DYDC1: variants seen among roughly 807,000 people sequenced by gnomAD.
The protein encoded by DYDC1 is DPY30 domain containing 1, also known as DPY30 domain-containing protein 1.
Under a neutral mutation model 27.9 loss-of-function variants are expected in DYDC1, and 21 were observed. The observed-to-expected ratio is 0.75, with a 90% CI of 0.53 to 1.08. The LOEUF (loss-of-function observed/expected upper bound fraction) is 1.08, where lower values mean the gene tolerates loss of function less well. DYDC1 is among the 50% of genes least tolerant of loss of function. DYDC1 has a pLI of 0.00. For missense variants in DYDC1, 202 were observed against 205.9 expected (o/e 0.98, Z 0.12); for synonymous variants, 67 against 65.8 (o/e 1.02, Z -0.09).
At chr10:80,347,305 TGCTATTGAG>T (rs1842724439) in intron 3 of DYDC1, among the ~76,000 whole-genome samples, 9 of 105,598 alleles carry the variant, frequency 8.5e-5, no homozygotes, top group South Asian at 3.7e-4. Flanking sequence ...TTTTTTTTTT[TGCTATTGAG>T]TTTGCATTCC....
intron 3 of DYDC1, among the ~76,000 whole-genome samples, chr10:80,343,608 A>G (rs910597690): frequency 6.6e-6 from 1 of 151,746 alleles, no homozygotes; most frequent in Non-Finnish European, 1.5e-5. Context: ...CCCCATCTCT[A>G]AACAAAATTT....
At chr10:80,353,752 G>A (rs1843157107) in intron 1 of DYDC1, among the ~76,000 whole-genome samples, 1 of 151,896 alleles carries the variant, frequency 6.6e-6, no homozygotes, top group South Asian at 2.1e-4. Context: ...CCACTGGGAT[G>A]ATGATACCCA....
intron 1 of DYDC1, 164 bp downstream of exon 1, chr10:80,356,548 T>G: frequency 1.0e-6 from 1 of 985,484 alleles, no homozygotes; most frequent in Non-Finnish European, 1.2e-6. Context: ...GGAGGACAGC[T>G]GGCCGCTTTC....
chr10:80,354,284 C>G (rs1047384614), intron 1 of DYDC1: 1 of 150,966 alleles, frequency 6.6e-6, no homozygotes, highest in Admixed American at 6.6e-5. Flanking sequence ...GTCAGGAGTT[C>G]GAGACCAGCC....
At chr10:80,353,576 G>A (rs1207955741) in intron 1 of DYDC1, among the ~76,000 whole-genome samples, 1 of 150,752 alleles carries the variant, frequency 6.6e-6, no homozygotes, top group Non-Finnish European at 1.5e-5. Flanking sequence ...AATCGGCTGG[G>A]CACAGTGGCT....
At chr10:80,348,724 G>A (rs1175304551) in intron 3 of DYDC1, among the ~76,000 whole-genome samples, 1 of 152,098 alleles carries the variant, frequency 6.6e-6, no homozygotes, top group Non-Finnish European at 1.5e-5. Flanking sequence ...CATGCTAAAA[G>A]GCAAACAGCA....
intron 4 of DYDC1, among the ~76,000 whole-genome samples, chr10:80,341,301 A>C (rs556504701): frequency 6.6e-6 from 1 of 151,610 alleles, no homozygotes. Context: ...AAATTAGCCA[A>C]GCATGGTTGT....
chr10:80,339,170 T>G lies in DYDC1; in HGVS notation c.343-17A>C. 1 of 1,110,980 alleles carries G rather than the reference T, an allele frequency of 9.0e-7. No individual in the cohort carries two copies. The highest frequency in any genetic ancestry group is 3.2e-5 in the Admixed American group (1 of 31,642). The allele number at this position is 1,110,980 out of a possible 1,614,324, so 68.8% of individuals were successfully genotyped here. ...TCTCATCTCCTATAATATATAAAAATTAAGAAAATACTTTGAATATACTCC... is the reference window on the plus strand; with the variant it reads ...TCTCATCTCCTATAATATATAAAAAGTAAGAAAATACTTTGAATATACTCC... On this transcript the variant is annotated splice_polypyrimidine_tract_variant and intron_variant, in intron 4 of 6. Transcript: ENST00000372202.
Position 80,352,044 on chromosome 10 carries a change from G to A in DYDC1, c.148-42C>T, listed in dbSNP as rs752121044. 4.4e-6 allele frequency: 7 copies of A among 1,591,308 alleles called. No homozygotes were observed. The East Asian group carries it at 1.3e-4, about 31-fold the overall frequency. ...ACAACAGCACACGACTTCTTAGCGA[G>A]AAAGCAATTTGTAAAAGCAATCTTG... On this transcript the variant is annotated intron_variant, in intron 2 of 6. Coordinates refer to ENST00000372202, the MANE Select transcript of DYDC1 (RefSeq NM_001269053.2).
At chr10:80,356,349 T>C in intron 1 of DYDC1, 1 of 985,816 alleles carries the variant, frequency 1.0e-6, no homozygotes, top group Non-Finnish European at 1.2e-6. Context: ...AGGAGATTCC[T>C]TACCCACACC....
chr10:80,352,386 T>TTTTTA, intron 2 of DYDC1, 69 bp downstream of exon 2: 1 of 1,435,180 alleles, frequency 7.0e-7, no homozygotes, highest in African/African-American at 1.5e-5. Flanking sequence ...AATGTTAAAC[T>TTTTTA]TTTTTAAAAG....
chr10:80,338,420 A>G, intron 6 of DYDC1, 47 bp downstream of exon 6: 2 of 1,605,872 alleles, frequency 1.2e-6, no homozygotes, highest in Non-Finnish European at 1.7e-6. Context: ...AAAAAATCAA[A>G]AACAAAAACA....
chr10:80,337,333 G>A (rs938548313), intron 6 of DYDC1: 11 of 985,462 alleles, frequency 1.1e-5, no homozygotes, highest in Non-Finnish European at 1.2e-5. Context: ...CCAAATCATA[G>A]CTGACCTTTA....
intron 3 of DYDC1, among the ~76,000 whole-genome samples, chr10:80,347,036 C>T (rs1171919711): frequency 2.0e-5 from 3 of 151,596 alleles, no homozygotes; most frequent in East Asian, 2.0e-4. Context: ...GCTAAGATCA[C>T]GCCACTTCAC....
Position 80,341,392 on chromosome 10 carries a change from G to A in DYDC1, c.342+877C>T, listed in dbSNP as rs1276523146. On this transcript the variant is annotated intron_variant, in intron 4 of 6. Coordinates refer to ENST00000372202, the MANE Select transcript of DYDC1 (RefSeq NM_001269053.2). ...CGGGAGGTGGAGGTTGCAGTGAGCC[G>A]AGATCACGCCACTGCACTCCAGCCT... 6.7e-5 allele frequency among the ~76,000 whole-genome samples: 9 copies of A among 134,324 alleles called. No individual in the cohort carries two copies. The East Asian group carries it at 1.9e-3, about 29-fold the overall frequency. 88.1% of individuals were successfully genotyped at this position (134,324 alleles called of 152,430 possible).
At chr10:80,353,114 A>G (rs1843102458) in intron 1 of DYDC1, among the ~76,000 whole-genome samples, 1 of 152,024 alleles carries the variant, frequency 6.6e-6, no homozygotes. Flanking sequence ...AAGCCATGAG[A>G]GCCGTTTTTA....
chr10:80,338,955 T>C (rs370080438), intron 5 of DYDC1, 142 bp downstream of exon 5: 64 of 490,714 alleles, frequency 1.3e-4, no homozygotes, highest in African/African-American at 1.2e-3. Flanking sequence ...TTGTGACTTG[T>C]TATCACCGGA....
intron 3 of DYDC1, 23 bp from the exon 4 acceptor site, chr10:80,342,384 T>A (rs773236873): frequency 1.2e-5 from 19 of 1,607,942 alleles, no homozygotes; most frequent in Non-Finnish European, 1.5e-5. Context: ...AAATATGTCA[T>A]ATTACAGTTA....
chr10:80,352,573 A>T lies in DYDC1; in HGVS notation c.29T>A (p.Leu10His). The change falls in exon 2 of 7, where the codon CTT becomes CAT. Residue 10 changes from leucine (L) to histidine (H), a missense_variant. Coordinates refer to ENST00000372202, the MANE Select transcript of DYDC1 (RefSeq NM_001269053.2). MESIYLQKH[L>H]GACLTQGLAE... The stretch of plus-strand genomic sequence containing the variant: ...AAGACCTTGAGTTAAACAGGCCCCA[A>T]GGTGCTTTTGAAGATATATTGACTC... 1 of 1,611,788 alleles carries T rather than the reference A, an allele frequency of 6.2e-7. No individual in the cohort carries two copies. Among genetic ancestry groups the T allele is most frequent in the Non-Finnish European group, 8.5e-7 (1 of 1,179,434 alleles).
Sources: allele counts gnomAD v4.1 joint callset (sites outside exome capture counted in the v4.1 genomes callset), GRCh38; gene constraint gnomAD v4.1.1; transcripts MANE v1.5; gene names NCBI Gene and HGNC (gene_info 2026-07-23, HGNC 2026-07-21).